The following CPN1 variants were observed in gnomAD, a reference collection of about 807,000 sequenced individuals.
CPN1 encodes the protein carboxypeptidase N catalytic chain.
Under a neutral mutation model 46.4 loss-of-function variants are expected in CPN1, and 37 were observed. The ratio of observed to expected loss-of-function variants is 0.80; its 90% CI spans 0.61 to 1.05. The LOEUF is 1.05. Among genes scored for constraint, CPN1 ranks in the 50% least tolerant of loss-of-function variants. CPN1 has a pLI of 0.00. For synonymous variants in CPN1, 224 were observed against 235.4 expected, an observed-to-expected ratio of 0.95 and a Z score of 0.44; for missense variants, 563 against 602.6, an observed-to-expected ratio of 0.93 and a Z score of 0.69.
intron 5 of CPN1, among the ~76,000 whole-genome samples, chr10:100,060,048 T>C (rs537872517): frequency 3.9e-5 from 6 of 152,186 alleles, no homozygotes; most frequent in Middle Eastern, 3.4e-3. Flanking sequence ...GTCAAAATCA[T>C]AAAGACAAAA....
chr10:100,071,827 T>G (rs182142474), intron 2 of CPN1, among the ~76,000 whole-genome samples: 1 of 152,358 alleles, frequency 6.6e-6, no homozygotes, highest in African/African-American at 2.4e-5. Flanking sequence ...ATAAGTTATG[T>G]GCAAATACTA....
At chr10:100,050,537 C>T (rs747752987) in intron 7 of CPN1, among the ~76,000 whole-genome samples, 14 of 152,138 alleles carry the variant, frequency 9.2e-5, no homozygotes, top group Non-Finnish European at 1.8e-4. Flanking sequence ...CTGGGTTGGA[C>T]AAAAAGCTGC....
At chr10:100,053,856 A>G (rs979535817) in intron 7 of CPN1, among the ~76,000 whole-genome samples, 4 of 152,148 alleles carry the variant, frequency 2.6e-5, no homozygotes, top group African/African-American at 4.8e-5. Context: ...TCCACCATCA[A>G]TCTTGCCCCC....
Position 100,073,010 on chromosome 10 carries a change from A to C in CPN1, c.420+2901T>G, listed in dbSNP as rs558865815. On this transcript the variant is annotated intron_variant, in intron 2 of 8. Coordinates refer to ENST00000370418, the MANE Select transcript of CPN1 (RefSeq NM_001308.3). ...GGATGCCGGGAAGCTACAATCTCAC[A>C]GATGAATCGCCGTTCTCATATTTTC... Among the ~76,000 whole-genome samples the C allele has an allele frequency of 2.5e-4, 38 of 152,336 alleles. 3 individuals are homozygous for C. The highest frequency in any genetic ancestry group is 8.7e-4 in the African/African-American group (36 of 41,580).
chr10:100,057,663 C>T (rs895838665), intron 5 of CPN1, among the ~76,000 whole-genome samples: 1 of 151,860 alleles, frequency 6.6e-6, no homozygotes, highest in African/African-American at 2.4e-5. Flanking sequence ...AATAAATTTT[C>T]GTTCATTTTG....
chr10:100,065,400 G>A, intron 3 of CPN1, 30 bp from the exon 4 acceptor site: 1 of 1,613,040 alleles, frequency 6.2e-7, no homozygotes, highest in South Asian at 1.1e-5. Flanking sequence ...TGGCGGTGAA[G>A]GGCCAACTGG....
intron 4 of CPN1, 77 bp downstream of exon 4, chr10:100,065,111 G>C (rs2041445745): frequency 1.3e-6 from 2 of 1,517,066 alleles, no homozygotes; most frequent in South Asian, 2.5e-5. Flanking sequence ...CACTGAAAAG[G>C]GTTCTGTGTT....
At chr10:100,051,962 G>A (rs546411542) in intron 7 of CPN1, among the ~76,000 whole-genome samples, 12 of 149,416 alleles carry the variant, frequency 8.0e-5, no homozygotes, top group East Asian at 2.0e-4. Flanking sequence ...GTGCAGTGAC[G>A]TGATTTCGGC....
At chr10:100,061,646 T>C (rs899843090) in intron 5 of CPN1, among the ~76,000 whole-genome samples, 6 of 152,124 alleles carry the variant, frequency 3.9e-5, no homozygotes. Flanking sequence ...TTTAGGGCAA[T>C]GATTCTCAGT....
intron 1 of CPN1, among the ~76,000 whole-genome samples, chr10:100,078,721 C>T (rs1356282018): frequency 1.3e-5 from 2 of 152,192 alleles, no homozygotes; most frequent in African/African-American, 4.8e-5. Context: ...GTTTGCTGAC[C>T]CCTGTTCTGA....
chr10:100,043,620 G>C (rs1191856392), intron 8 of CPN1, among the ~76,000 whole-genome samples: 1 of 151,948 alleles, frequency 6.6e-6, no homozygotes, highest in Non-Finnish European at 1.5e-5. Flanking sequence ...AAAGATAGTA[G>C]AGATGATAAA....
At chr10:100,057,783 T>A (rs1341203530) in intron 5 of CPN1, among the ~76,000 whole-genome samples, 1 of 151,912 alleles carries the variant, frequency 6.6e-6, no homozygotes, top group Non-Finnish European at 1.5e-5. Flanking sequence ...ACGTGAGGAG[T>A]ATTGGGGTGA....
intron 3 of CPN1, among the ~76,000 whole-genome samples, 195 bp from the exon 4 acceptor site, chr10:100,065,565 T>G (rs1226835008): frequency 6.6e-6 from 1 of 152,178 alleles, no homozygotes; most frequent in Non-Finnish European, 1.5e-5. Flanking sequence ...ATGGCGTGTA[T>G]AGAACTTTTT....
At chr10:100,043,328 G>A (rs907322013) in intron 8 of CPN1, among the ~76,000 whole-genome samples, 50 of 151,752 alleles carry the variant, frequency 3.3e-4, no homozygotes, top group African/African-American at 1.2e-3. Context: ...TCAGCAGGCA[G>A]AGGTTACAGA....
chr10:100,044,039 C>T (rs990760766), intron 8 of CPN1, among the ~76,000 whole-genome samples: 2 of 152,140 alleles, frequency 1.3e-5, no homozygotes, highest in African/African-American at 4.8e-5. Flanking sequence ...CTTTCCCACC[C>T]TTGGAACAGC....
intron 8 of CPN1, among the ~76,000 whole-genome samples, chr10:100,045,146 A>G (rs1023239056): frequency 1.3e-5 from 2 of 152,234 alleles, no homozygotes; most frequent in Non-Finnish European, 2.9e-5. Flanking sequence ...AATGACAGAC[A>G]TCTTTTCTCC....
intron 8 of CPN1, among the ~76,000 whole-genome samples, chr10:100,048,046 G>A (rs2041325141): frequency 6.6e-6 from 1 of 152,064 alleles, no homozygotes; most frequent in South Asian, 2.1e-4. Context: ...AATTGGTATG[G>A]CTTTTCTCCA....
At chr10:100,079,416 T>A (rs2041532057) in intron 1 of CPN1, among the ~76,000 whole-genome samples, 1 of 152,148 alleles carries the variant, frequency 6.6e-6, no homozygotes, top group African/African-American at 2.4e-5. Flanking sequence ...GAGGGAACAG[T>A]GAGGGCTAGA....
chr10:100,045,875 AAGGGTTGTGTAC>A (rs1306117219), intron 8 of CPN1, among the ~76,000 whole-genome samples: 1 of 152,138 alleles, frequency 6.6e-6, no homozygotes, highest in East Asian at 1.9e-4. Context: ...AGGGTCTACT[AAGGGTTGTGTAC>A]AGGAGTGAGG....
Sources: gnomAD v4.1 joint callset for allele counts (sites outside exome capture counted in the v4.1 genomes callset) on GRCh38, gnomAD v4.1.1 for gene constraint, MANE v1.5 for transcripts, NCBI Gene and HGNC (gene_info 2026-07-23, HGNC 2026-07-21) for gene names.